The following CDK19 variants were observed in gnomAD, a reference collection of about 807,000 sequenced individuals.
The protein encoded by CDK19 is cyclin dependent kinase 19.
In CDK19, 20 loss-of-function variants were observed where a neutral mutation model predicts 68.3. The observed-to-expected ratio is 0.29, with a 90% CI of 0.21 to 0.43. The LOEUF is 0.43. CDK19 is among the 20% of genes least tolerant of loss of function. CDK19 has a pLI of 1.00. For missense variants in CDK19, 339 were observed against 623.5 expected, an observed-to-expected ratio of 0.54 and a Z score of 4.86; for synonymous variants, 221 against 222.8, an observed-to-expected ratio of 0.99 and a Z score of 0.07.
intron 2 of CDK19, among the ~76,000 whole-genome samples, chr6:110,694,384 C>A (rs1279210561): frequency 6.6e-6 from 1 of 152,182 alleles, no homozygotes; most frequent in Non-Finnish European, 1.5e-5. Flanking sequence ...ACAACACAGA[C>A]TTTAAAGCAA....
At chr6:110,632,958 C>T (rs1220873644) in intron 5 of CDK19, among the ~76,000 whole-genome samples, 4 of 152,116 alleles carry the variant, frequency 2.6e-5, no homozygotes, top group South Asian at 2.1e-4. Flanking sequence ...CGGTGGCTCA[C>T]GCCTGTAATT....
chr6:110,709,380 T>C (rs1208595331), intron 2 of CDK19, among the ~76,000 whole-genome samples: 2 of 151,842 alleles, frequency 1.3e-5, no homozygotes, highest in Admixed American at 6.6e-5. Context: ...GGGGGAGGGA[T>C]GGCATTAGGA....
chr6:110,726,535 T>C (rs1776325556), intron 2 of CDK19, among the ~76,000 whole-genome samples: 1 of 152,202 alleles, frequency 6.6e-6, no homozygotes, highest in Non-Finnish European at 1.5e-5. Context: ...CAGTTATAGA[T>C]ACCTAAGTGA....
rs1782729447 is a variant in CDK19 at position 110,807,094 on chromosome 6, G to A, written c.128+7915C>T. Among the ~76,000 whole-genome samples, 3 of 151,502 alleles carry A rather than the reference G, an allele frequency of 2.0e-5. No homozygotes were observed. In the South Asian group the frequency reaches 6.2e-4, roughly 31 times the overall value. On this transcript the variant is annotated intron_variant, in intron 1 of 12. Transcript: ENST00000368911. Reference sequence around the variant, plus strand: ...GTAGGAGGATTACTTGAGGCCAGGAGTTCAAGACCAGACTGAGAGACATAG... The same window carrying A: ...GTAGGAGGATTACTTGAGGCCAGGAATTCAAGACCAGACTGAGAGACATAG...
intron 2 of CDK19, among the ~76,000 whole-genome samples, chr6:110,702,179 C>T (rs1352055239): frequency 2.6e-5 from 4 of 152,098 alleles, no homozygotes; most frequent in Admixed American, 1.3e-4. Context: ...GGCCAGGTGG[C>T]TCATGCCTGT....
chr6:110,707,739 G>A (rs1377219204), intron 2 of CDK19, among the ~76,000 whole-genome samples: 1 of 152,190 alleles, frequency 6.6e-6, no homozygotes, highest in African/African-American at 2.4e-5. Context: ...GGGAAGCTGA[G>A]GCAGGTGAAA....
chr6:110,692,345 T>C (rs1773074497), intron 2 of CDK19, among the ~76,000 whole-genome samples: 2 of 150,542 alleles, frequency 1.3e-5, no homozygotes, highest in East Asian at 2.0e-4. Flanking sequence ...AAATGTAATG[T>C]AGTAGAAAGT....
chr6:110,662,503 T>C (rs913550527), intron 4 of CDK19, among the ~76,000 whole-genome samples: 2 of 152,220 alleles, frequency 1.3e-5, no homozygotes, highest in African/African-American at 4.8e-5. Context: ...GGCATTTCTC[T>C]ATCATTGCTA....
At chr6:110,677,594 G>A (rs1344002891) in intron 2 of CDK19, among the ~76,000 whole-genome samples, 1 of 148,138 alleles carries the variant, frequency 6.8e-6, no homozygotes, top group African/African-American at 2.5e-5. Context: ...AAAAAAGGAA[G>A]AAGAAGAAGA....
intron 2 of CDK19, among the ~76,000 whole-genome samples, chr6:110,707,188 T>C (rs912109096): frequency 6.6e-6 from 1 of 151,622 alleles, no homozygotes; most frequent in African/African-American, 2.4e-5. Context: ...ATACAAAAAT[T>C]AGCCAGGCGT....
intron 2 of CDK19, among the ~76,000 whole-genome samples, chr6:110,734,520 G>T (rs895544985): frequency 3.1e-4 from 27 of 85,776 alleles, no homozygotes; most frequent in Admixed American, 1.9e-3. Context: ...GGTGAGCACT[G>T]CTCTCTCTCT....
intron 4 of CDK19, among the ~76,000 whole-genome samples, chr6:110,653,982 C>T (rs963089541): frequency 3.9e-5 from 6 of 152,126 alleles, no homozygotes; most frequent in African/African-American, 1.2e-4. Flanking sequence ...TAATATGACT[C>T]TTATCAGTAC....
chr6:110,712,524 A>G (rs529305573), intron 2 of CDK19, among the ~76,000 whole-genome samples: 2 of 152,222 alleles, frequency 1.3e-5, no homozygotes, highest in Non-Finnish European at 2.9e-5. Context: ...TTTCTCTTCT[A>G]GTGGATTTCA....
In CDK19 at chr6:110,626,760, G is replaced by T; in HGVS notation, c.860+16C>A. On this transcript the variant is annotated intron_variant, in intron 8 of 12. Transcript: ENST00000368911. Reference sequence around the variant, plus strand: ...ATAGCAGCACAAAAAGACTAAGACTGTGTGGAATTACTTACGTTGTTCTTC... The same window carrying T: ...ATAGCAGCACAAAAAGACTAAGACTTTGTGGAATTACTTACGTTGTTCTTC... 1 of 1,457,334 alleles carries T rather than the reference G, an allele frequency of 6.9e-7. No individual in the cohort carries two copies. Among genetic ancestry groups the T allele is most frequent in the South Asian group, 1.2e-5 (1 of 80,898 alleles). The allele number at this position is 1,457,334 out of a possible 1,614,324, so 90.3% of individuals were successfully genotyped here. A position where few individuals can be genotyped will look rare whatever the true frequency, so the allele number is the denominator to read the frequency against.
At chr6:110,754,760 G>A (rs1009043872) in intron 1 of CDK19, among the ~76,000 whole-genome samples, 5 of 152,104 alleles carry the variant, frequency 3.3e-5, no homozygotes, top group Admixed American at 2.6e-4. Context: ...GATTACAGGC[G>A]TCAGCCACCC....
chr6:110,771,207 C>G (rs113812988), intron 1 of CDK19, among the ~76,000 whole-genome samples: 5 of 152,354 alleles, frequency 3.3e-5, no homozygotes, highest in African/African-American at 1.2e-4. Context: ...ACTGCCCTAA[C>G]AGAGGTTCTC....
In CDK19 at chr6:110,621,142, C is replaced by A. The variant is rs1450585259; in HGVS notation, c.1339G>T (p.Ala447Ser). ...NKKPRLGPSG[A>S]NSGGPVMPSD... Reference sequence around the variant, plus strand: ...GGCATCACAGGTCCACCTGAGTTTGCGCCTGAAGGCCCTAGCCGTGGCTTC... The same window carrying A: ...GGCATCACAGGTCCACCTGAGTTTGAGCCTGAAGGCCCTAGCCGTGGCTTC... The change falls in exon 12 of 13, where the codon GCA becomes TCA. Residue 447 changes from alanine (A) to serine (S), a missense_variant. Physicochemically the swap from Ala to Ser is moderately conservative, Grantham distance 99. Transcript: ENST00000368911. This position sits in a 1 kb window ranked among gnomAD's most constrained non-coding sequence, Gnocchi z 5.4. The A allele has an allele frequency of 3.1e-6, 5 of 1,613,884 alleles. No homozygotes were observed. The highest frequency in any genetic ancestry group is 1.1e-5 in the South Asian group (1 of 91,050).
intron 2 of CDK19, among the ~76,000 whole-genome samples, chr6:110,681,676 T>A (rs1304210870): frequency 6.6e-6 from 1 of 152,208 alleles, no homozygotes; most frequent in African/African-American, 2.4e-5. Flanking sequence ...TAATCTCTTG[T>A]CTAACAAATG....
At chr6:110,763,842 A>T (rs1345141618) in intron 1 of CDK19, among the ~76,000 whole-genome samples, 1 of 152,224 alleles carries the variant, frequency 6.6e-6, no homozygotes, top group Non-Finnish European at 1.5e-5. Flanking sequence ...GTAATTGTCT[A>T]CGAAGAAAAT....
Sources: gnomAD v4.1 joint callset for allele counts (sites outside exome capture counted in the v4.1 genomes callset) on GRCh38, gnomAD v4.1.1 for gene constraint, Gnocchi (gnomAD v3.1) non-coding constraint, MANE v1.5 for transcripts, NCBI Gene and HGNC (gene_info 2026-07-23, HGNC 2026-07-21) for gene names.